BID: variants seen among roughly 807,000 people sequenced by gnomAD.
BID encodes BH3 interacting domain death agonist, also known as BH3-interacting domain death agonist.
BID carries 19 observed loss-of-function variants against 17.4 expected under a neutral mutation model. The observed-to-expected ratio is 1.09, with a 90% confidence interval of 0.76 to 1.60. BID has a LOEUF of 1.60. Among genes scored for constraint, BID ranks in the 40% most tolerant of loss-of-function variants. The pLI is 0.00. For synonymous variants in BID, 108 were observed against 102.8 expected, an observed-to-expected ratio of 1.05 and a Z score of -0.31; for missense variants, 226 against 256.0, an observed-to-expected ratio of 0.88 and a Z score of 0.80.
At chr22:17,755,286 C>T (rs763048753) in intron 1 of BID, among the ~76,000 whole-genome samples, 3 of 152,006 alleles carry the variant, frequency 2.0e-5, no homozygotes, top group East Asian at 1.9e-4. Flanking sequence ...AACGTCGATC[C>T]ACCCACCAAA....
At chr22:17,761,053 GACA>G (rs1357478003) in intron 1 of BID, among the ~76,000 whole-genome samples, 1 of 152,160 alleles carries the variant, frequency 6.6e-6, no homozygotes, top group Admixed American at 6.5e-5. Flanking sequence ...CTTGTGATTT[GACA>G]ACCACTCTTC....
At chr22:17,765,324 T>C (rs2061670492) in intron 1 of BID, among the ~76,000 whole-genome samples, 1 of 152,204 alleles carries the variant, frequency 6.6e-6, no homozygotes, top group African/African-American at 2.4e-5. Flanking sequence ...AAGAAGTGAC[T>C]TGCCAAGGTC....
At chr22:17,770,219 G>A (rs185954098) in intron 1 of BID, among the ~76,000 whole-genome samples, 1 of 152,122 alleles carries the variant, frequency 6.6e-6, no homozygotes, top group African/African-American at 2.4e-5. Context: ...ATTTTAAGAA[G>A]CCCTCACGCA....
chr22:17,773,367 G>C lies in BID; in HGVS notation c.-59+1014C>G, dbSNP rs1353542342. Among the ~76,000 whole-genome samples, 1 of 152,100 alleles carries C rather than the reference G, an allele frequency of 6.6e-6. No homozygotes were observed. Among genetic ancestry groups the C allele is most frequent in the Admixed American group, 6.5e-5 (1 of 15,280 alleles). ...CAGGACGGCACACATTCAGGCCCAGGAGAGCTCCCCCCATCTCAAAGCCTC... is the reference window on the plus strand; with the variant it reads ...CAGGACGGCACACATTCAGGCCCAGCAGAGCTCCCCCCATCTCAAAGCCTC... On this transcript the variant is annotated intron_variant, in intron 1 of 5. Transcript: ENST00000622694. This position sits in a 1 kb window ranked among gnomAD's most constrained non-coding sequence, Gnocchi z 4.4.
In BID at chr22:17,773,248, G is replaced by A. The variant is rs1338225329; in HGVS notation, c.-59+1133C>T. ...TGGAGCTCTGTCTACCTCAACTCCTGATGCCAGAGGATCCCTCTGCGCTCC... is the reference window on the plus strand; with the variant it reads ...TGGAGCTCTGTCTACCTCAACTCCTAATGCCAGAGGATCCCTCTGCGCTCC... On this transcript the variant is annotated intron_variant, in intron 1 of 5. Transcript: ENST00000622694. This position sits in a 1 kb window ranked among gnomAD's most constrained non-coding sequence, Gnocchi z 4.4. Among the ~76,000 whole-genome samples, 1 of 152,018 alleles carries A rather than the reference G, an allele frequency of 6.6e-6. No individual in the cohort carries two copies. Among genetic ancestry groups the A allele is most frequent in the East Asian group, 1.9e-4 (1 of 5,186 alleles).
At chr22:17,751,362 G>A (rs2145893185) in intron 1 of BID, among the ~76,000 whole-genome samples, 1 of 150,206 alleles carries the variant, frequency 6.7e-6, no homozygotes, top group Middle Eastern at 3.5e-3. Flanking sequence ...CTGGGCGACA[G>A]AGCGAGACTC....
At chr22:17,746,307 C>T (rs973238933) in intron 2 of BID, among the ~76,000 whole-genome samples, 2 of 152,150 alleles carry the variant, frequency 1.3e-5, no homozygotes, top group Non-Finnish European at 2.9e-5. Context: ...ACAATATTCC[C>T]ATGTGACAAA....
chr22:17,773,833 G>C lies in BID; in HGVS notation c.-59+548C>G, dbSNP rs561066979. ...CAGCAGCGAGGATCCGCACATCATT[G>C]CCAGTGCTCTAAGGAGCGGGCGAGC... On this transcript the variant is annotated intron_variant, in intron 1 of 5. Coordinates refer to ENST00000622694, the MANE Select transcript of BID (RefSeq NM_001196.4). This position sits in a 1 kb window ranked among gnomAD's most constrained non-coding sequence, Gnocchi z 4.4. The C allele has an allele frequency of 1.1e-4, 88 of 813,718 alleles. No homozygotes were observed. The African/African-American group carries it at 1.4e-3, about 13-fold the overall frequency. 50.4% of individuals were successfully genotyped at this position (813,718 alleles called of 1,614,324 possible).
intron 1 of BID, among the ~76,000 whole-genome samples, chr22:17,751,228 C>T (rs549562934): frequency 2.6e-4 from 40 of 151,492 alleles, no homozygotes; most frequent in African/African-American, 3.4e-4. Flanking sequence ...AAAAATTAGC[C>T]GGGCGCGGTG....
At chr22:17,753,160 G>T (rs944601596) in intron 1 of BID, among the ~76,000 whole-genome samples, 10 of 150,372 alleles carry the variant, frequency 6.7e-5, no homozygotes, top group Non-Finnish European at 1.3e-4. Flanking sequence ...TAGAGACGGG[G>T]TTTCACCGTG....
At chr22:17,757,703 C>T (rs1236457690) in intron 1 of BID, among the ~76,000 whole-genome samples, 2 of 138,880 alleles carry the variant, frequency 1.4e-5, no homozygotes, top group African/African-American at 5.9e-5. Context: ...AGCGAGACTC[C>T]GTCTCAAAAA....
rs1033812229 is a variant in BID at position 17,769,393 on chromosome 22, G to C, written c.-59+4988C>G. On this transcript the variant is annotated intron_variant, in intron 1 of 5. Transcript: ENST00000622694. The surrounding 1 kb of genome is among the most constrained non-coding windows in gnomAD (Gnocchi z 4.8). ...CAGGGATACCCAGAGGGAGAAACAAGGCTTTTGGGGAAATGGTGACACCTG... is the reference window on the plus strand; with the variant it reads ...CAGGGATACCCAGAGGGAGAAACAACGCTTTTGGGGAAATGGTGACACCTG... Among the ~76,000 whole-genome samples the C allele has an allele frequency of 6.6e-6, 1 of 152,244 alleles. No homozygotes were observed. The highest frequency in any genetic ancestry group is 1.5e-5 in the Non-Finnish European group (1 of 68,036).
chr22:17,771,332 C>T (rs1171992927), intron 1 of BID, among the ~76,000 whole-genome samples: 1 of 152,168 alleles, frequency 6.6e-6, no homozygotes, highest in Non-Finnish European at 1.5e-5. Flanking sequence ...ATCTCCTGAC[C>T]TCATGATCCG....
intron 1 of BID, among the ~76,000 whole-genome samples, chr22:17,766,900 TTTTAAA>T (rs1462155079): frequency 6.6e-6 from 1 of 151,976 alleles, no homozygotes; most frequent in Non-Finnish European, 1.5e-5. Flanking sequence ...AAGAATTTCT[TTTTAAA>T]TTTAAAGTCT....
In BID at chr22:17,769,709, C is replaced by G. The variant is rs116253539; in HGVS notation, c.-59+4672G>C. ...GACGGTGCCTTACTGACTCCACACA[C>G]AGAGGCAGCTGGGTCCAGGAGGCAG... On this transcript the variant is annotated intron_variant, in intron 1 of 5. Coordinates refer to ENST00000622694, the MANE Select transcript of BID (RefSeq NM_001196.4). This position sits in a 1 kb window ranked among gnomAD's most constrained non-coding sequence, Gnocchi z 4.8. Among the ~76,000 whole-genome samples, 284 of 152,292 alleles carry G rather than the reference C, an allele frequency of 1.9e-3. 1 individual carries two copies. The highest frequency in any genetic ancestry group is 6.2e-3 in the African/African-American group (257 of 41,558).
intron 2 of BID, among the ~76,000 whole-genome samples, chr22:17,748,065 C>T (rs1291135045): frequency 3.3e-5 from 5 of 149,688 alleles, no homozygotes; most frequent in South Asian, 2.1e-4. Context: ...AAAAATTAGC[C>T]GGGCGTGGTG....
At chr22:17,737,576 C>A (rs961632264) in intron 5 of BID, among the ~76,000 whole-genome samples, 4 of 152,164 alleles carry the variant, frequency 2.6e-5, no homozygotes, top group Non-Finnish European at 4.4e-5. Flanking sequence ...GAACTCCTGA[C>A]CTCAGGTGAT....
At chr22:17,758,874 A>T (rs2145907507) in intron 1 of BID, among the ~76,000 whole-genome samples, 1 of 152,030 alleles carries the variant, frequency 6.6e-6, no homozygotes, top group South Asian at 2.1e-4. Context: ...ACGCTTAAAA[A>T]TGCTTAAAAT....
chr22:17,767,393 T>C (rs1363738566), intron 1 of BID, among the ~76,000 whole-genome samples: 1 of 151,784 alleles, frequency 6.6e-6, no homozygotes, highest in Non-Finnish European at 1.5e-5. Context: ...TCAAAAAAAG[T>C]TTTCCACATT....
Sources: gnomAD v4.1 joint callset for allele counts (sites outside exome capture counted in the v4.1 genomes callset) on GRCh38, gnomAD v4.1.1 for gene constraint, Gnocchi (gnomAD v3.1) non-coding constraint, MANE v1.5 for transcripts, NCBI Gene and HGNC (gene_info 2026-07-23, HGNC 2026-07-21) for gene names.